The following RIT2 variants were observed in gnomAD, a reference collection of about 807,000 sequenced individuals.
The protein encoded by RIT2 is GTP-binding protein Rit2.
RIT2 carries 24 observed loss-of-function variants against 23.7 expected under a neutral mutation model. That is an observed-to-expected ratio of 1.01 (90% CI 0.73 to 1.43). The LOEUF (loss-of-function observed/expected upper bound fraction) is 1.43, where lower values mean the gene tolerates loss of function less well. Ranked by LOEUF, RIT2 falls within the 40% of genes most tolerant of loss-of-function variation. RIT2 has a pLI of 0.00. For synonymous variants in RIT2, 107 were observed against 91.1 expected, an observed-to-expected ratio of 1.17 and a Z score of -0.99; for missense variants, 236 against 266.9, an observed-to-expected ratio of 0.88 and a Z score of 0.81.
intron 1 of RIT2, among the ~76,000 whole-genome samples, chr18:43,072,087 G>A (rs1912911497): frequency 6.6e-6 from 1 of 152,062 alleles, no homozygotes. Flanking sequence ...CCGGGTGCAA[G>A]GGAATCTCCT....
chr18:42,931,258 G>A (rs985103709), intron 3 of RIT2, among the ~76,000 whole-genome samples: 2 of 152,134 alleles, frequency 1.3e-5, no homozygotes, highest in Non-Finnish European at 2.9e-5. Context: ...GGGGAATGAG[G>A]ATTGGAGGCT....
intron 3 of RIT2, among the ~76,000 whole-genome samples, chr18:42,948,305 A>G (rs1413750086): frequency 6.6e-6 from 1 of 151,994 alleles, no homozygotes; most frequent in African/African-American, 2.4e-5. Flanking sequence ...GTTAGAGGAG[A>G]GAGGGGAGGT....
At chr18:43,026,618 AAGAAAGAAAGAAAGAAAGAG>A (rs1568059890) in intron 2 of RIT2, among the ~76,000 whole-genome samples, 4 of 145,664 alleles carry the variant, frequency 2.7e-5, no homozygotes, top group African/African-American at 1.0e-4. Context: ...GAAAGAAAGA[AAGAAAGAAAGAAAGAAAGAG>A]AGAAAGAAGG....
At chr18:42,973,786 T>C (rs896271494) in intron 3 of RIT2, among the ~76,000 whole-genome samples, 2 of 151,946 alleles carry the variant, frequency 1.3e-5, no homozygotes, top group Non-Finnish European at 2.9e-5. Context: ...AGGATCTATG[T>C]CAGAGTTTTG....
chr18:42,898,221 A>G (rs1271245686), intron 4 of RIT2, among the ~76,000 whole-genome samples: 1 of 152,012 alleles, frequency 6.6e-6, no homozygotes, highest in Non-Finnish European at 1.5e-5. Flanking sequence ...CACCAACATG[A>G]CAAAACCCCA....
intron 1 of RIT2, among the ~76,000 whole-genome samples, chr18:43,090,803 A>T (rs781436830): frequency 6.6e-5 from 10 of 152,086 alleles, no homozygotes; most frequent in Non-Finnish European, 1.2e-4. Flanking sequence ...GTTTTCGCTT[A>T]TAAGTTGGAG....
intron 4 of RIT2, among the ~76,000 whole-genome samples, chr18:42,890,332 C>T (rs1351093454): frequency 1.3e-5 from 2 of 151,938 alleles, no homozygotes; most frequent in African/African-American, 4.8e-5. Context: ...AAAAAGCATT[C>T]AATGATATAC....
At chr18:43,096,805 A>G (rs1568081298) in intron 1 of RIT2, among the ~76,000 whole-genome samples, 1 of 151,904 alleles carries the variant, frequency 6.6e-6, no homozygotes, top group Non-Finnish European at 1.5e-5. Flanking sequence ...ATATAAAACT[A>G]AAATTCTAGG....
At chr18:42,968,891 T>C (rs761807806) in intron 3 of RIT2, among the ~76,000 whole-genome samples, 3 of 152,126 alleles carry the variant, frequency 2.0e-5, no homozygotes, top group Non-Finnish European at 2.9e-5. Context: ...GAGAAGTACA[T>C]TGGAGGAGGT....
intron 2 of RIT2, among the ~76,000 whole-genome samples, chr18:43,026,797 CAA>C (rs1454345740): frequency 6.7e-6 from 1 of 150,116 alleles, no homozygotes; most frequent in East Asian, 2.0e-4. Flanking sequence ...GTATGAAATT[CAA>C]GAGAGAAATA....
At position 43,044,012 on chromosome 18, in the gene RIT2, C is replaced by T. The variant is rs75479301; in HGVS notation, c.104-10145G>A. On this transcript the variant is annotated intron_variant, in intron 1 of 4. Coordinates refer to ENST00000326695, the MANE Select transcript of RIT2 (RefSeq NM_002930.4). ...AGAGGAAGCATGGCAGAACAGCACC[C>T]AGCACCTAGGCAGCCAAGCTGCTGA... Among the ~76,000 whole-genome samples the T allele has an allele frequency of 4.5e-3, 681 of 152,182 alleles. 6 individuals are homozygous for T. Among genetic ancestry groups the T allele is most frequent in the African/African-American group, 0.016 (652 of 41,520 alleles).
chr18:42,801,738 A>ATTCT (rs989481001), intron 4 of RIT2, among the ~76,000 whole-genome samples: 1 of 152,082 alleles, frequency 6.6e-6, no homozygotes, highest in African/African-American at 2.4e-5. Flanking sequence ...GATGACTGTC[A>ATTCT]TTCTTTCTTT....
chr18:42,775,431 T>C (rs1913644879), intron 4 of RIT2, among the ~76,000 whole-genome samples: 2 of 152,280 alleles, frequency 1.3e-5, no homozygotes, highest in Non-Finnish European at 2.9e-5. Flanking sequence ...GCATGGTGGC[T>C]GAAGTCTGTA....
chr18:42,801,001 T>C (rs1905526012), intron 4 of RIT2, among the ~76,000 whole-genome samples: 1 of 152,192 alleles, frequency 6.6e-6, no homozygotes, highest in African/African-American at 2.4e-5. Flanking sequence ...AGCACCAATT[T>C]TTTTAAAAAT....
intron 2 of RIT2, among the ~76,000 whole-genome samples, chr18:43,025,991 G>T (rs559887206): frequency 6.6e-6 from 1 of 151,864 alleles, no homozygotes; most frequent in Non-Finnish European, 1.5e-5. Context: ...ATAAATAAAG[G>T]CAAATAAATA....
At chr18:42,957,000 T>C (rs1249942613) in intron 3 of RIT2, among the ~76,000 whole-genome samples, 1 of 152,172 alleles carries the variant, frequency 6.6e-6, no homozygotes, top group Non-Finnish European at 1.5e-5. Context: ...GACTGTTTGG[T>C]GTCTGGGCTG....
At chr18:42,773,639 T>C (rs1375404452) in intron 4 of RIT2, among the ~76,000 whole-genome samples, 1 of 152,200 alleles carries the variant, frequency 6.6e-6, no homozygotes, top group Non-Finnish European at 1.5e-5. Context: ...GTGTATATTT[T>C]AGTACTGAAA....
chr18:42,774,062 G>A (rs1461158577), intron 4 of RIT2, among the ~76,000 whole-genome samples: 1 of 152,164 alleles, frequency 6.6e-6, no homozygotes, highest in Non-Finnish European at 1.5e-5. Flanking sequence ...CAATTCATCA[G>A]TGTCACCAGG....
chr18:42,983,185 A>C (rs1351410416), intron 2 of RIT2, among the ~76,000 whole-genome samples: 1 of 152,144 alleles, frequency 6.6e-6, no homozygotes, highest in Non-Finnish European at 1.5e-5. Context: ...AACAGAACAG[A>C]GAATCCAGAA....
Sources: allele counts gnomAD v4.1 joint callset (sites outside exome capture counted in the v4.1 genomes callset), GRCh38; gene constraint gnomAD v4.1.1; transcripts MANE v1.5; gene names NCBI Gene and HGNC (gene_info 2026-07-23, HGNC 2026-07-21).